The following ANAPC1 variants were observed in gnomAD, a reference collection of about 807,000 sequenced individuals.
ANAPC1 encodes the protein anaphase-promoting complex subunit 1.
Under a neutral mutation model 208.0 loss-of-function variants are expected in ANAPC1, and 36 were observed. The observed-to-expected ratio is 0.17, with a 90% CI of 0.13 to 0.23. The LOEUF (loss-of-function observed/expected upper bound fraction) is 0.23. Ranked by LOEUF, ANAPC1 falls within the 10% of genes least tolerant of loss-of-function variation. The pLI is 1.00. For synonymous variants in ANAPC1, 378 were observed against 695.2 expected, an observed-to-expected ratio of 0.54 and a Z score of 7.18; for missense variants, 942 against 2,011.6, an observed-to-expected ratio of 0.47 and a Z score of 10.17.
At chr2:111,775,673 T>C (rs1177574151) in intron 46 of ANAPC1, among the ~76,000 whole-genome samples, 3 of 152,104 alleles carry the variant, frequency 2.0e-5, no homozygotes, top group Non-Finnish European at 2.9e-5. Flanking sequence ...TTAGAGAATG[T>C]TCTAATCACT....
intron 13 of ANAPC1, among the ~76,000 whole-genome samples, chr2:111,853,252 A>T (rs1573466320): frequency 6.6e-6 from 1 of 152,216 alleles, no homozygotes; most frequent in Non-Finnish European, 1.5e-5. Context: ...CACTTCTTAT[A>T]ACCAACATAT....
At position 111,768,668 on chromosome 2, in the gene ANAPC1, T is replaced by C. The variant is rs1345605342; in HGVS notation, c.*623A>G. 3 of 148,326 alleles carry C rather than the reference T, an allele frequency of 2.0e-5. No individual in the cohort carries two copies. The highest frequency in any genetic ancestry group is 6.8e-5 in the Admixed American group (1 of 14,728). 9.2% of individuals were successfully genotyped at this position (148,326 alleles called of 1,614,324 possible). The stretch of plus-strand genomic sequence containing the variant: ...CACTTAACCTTAGTAATCTCCTATA[T>C]GCCCTATTGCCTAATACAGTCACAC... On this transcript the variant is annotated 3_prime_UTR_variant, in exon 48 of 48. Transcript: ENST00000341068.
At chr2:111,854,352 G>A (rs915669293) in intron 13 of ANAPC1, among the ~76,000 whole-genome samples, 4 of 152,110 alleles carry the variant, frequency 2.6e-5, no homozygotes, top group Admixed American at 6.5e-5. Context: ...CATTTATAGA[G>A]CCCAGGCAGA....
At position 111,829,334 on chromosome 2, in the gene ANAPC1, G is replaced by A. The variant is rs1481962965; in HGVS notation, c.2625+1952C>T. On this transcript the variant is annotated intron_variant, in intron 21 of 47. Transcript: ENST00000341068. Reference sequence around the variant, plus strand: ...TTCTGTATGTCTGTTTTGGAGCCATGGGGGGGACTGTGAAGCACTTCTCAC... The same window carrying A: ...TTCTGTATGTCTGTTTTGGAGCCATAGGGGGGACTGTGAAGCACTTCTCAC... Among the ~76,000 whole-genome samples the A allele has an allele frequency of 9.2e-5, 14 of 152,152 alleles. No individual in the cohort carries two copies. The East Asian group carries it at 2.5e-3, about 27-fold the overall frequency.
Position 111,868,160 on chromosome 2 carries a change from T to C in ANAPC1, c.612-64A>G, listed in dbSNP as rs564497928. On this transcript the variant is annotated intron_variant, in intron 6 of 47. Coordinates refer to ENST00000341068, the MANE Select transcript of ANAPC1 (RefSeq NM_022662.4). ...GTATGTCTGTGCACAAATTTTGCAC[T>C]TCTATTGAAAAGAAATCTCCAGATT... is the stretch of plus-strand genomic sequence containing the variant. 6.3e-5 allele frequency: 72 copies of C among 1,143,270 alleles called. 1 individual carries two copies. The Middle Eastern group carries it at 1.0e-3, about 17-fold the overall frequency. 70.8% of individuals were successfully genotyped at this position (1,143,270 alleles called of 1,614,324 possible). A position where few individuals can be genotyped will look rare whatever the true frequency, so the allele number is the denominator to read the frequency against.
chr2:111,855,070 C>G (rs1681626454), intron 13 of ANAPC1, among the ~76,000 whole-genome samples: 1 of 152,126 alleles, frequency 6.6e-6, no homozygotes, highest in African/African-American at 2.4e-5. Flanking sequence ...CATTTGAAAA[C>G]TTAGAGGCCA....
At chr2:111,770,623 C>T (rs1328611320) in intron 47 of ANAPC1, among the ~76,000 whole-genome samples, 1 of 147,350 alleles carries the variant, frequency 6.8e-6, no homozygotes, top group Admixed American at 6.8e-5. Flanking sequence ...TATTTCCTAA[C>T]CATTCTTCCC....
intron 14 of ANAPC1, among the ~76,000 whole-genome samples, chr2:111,850,148 T>A (rs1336604841): frequency 6.6e-6 from 1 of 152,028 alleles, no homozygotes; most frequent in Non-Finnish European, 1.5e-5. Context: ...CCAAACCCTA[T>A]CCTGCCTCAC....
At chr2:111,838,149 G>C (rs1680575290) in intron 18 of ANAPC1, among the ~76,000 whole-genome samples, 1 of 150,448 alleles carries the variant, frequency 6.6e-6, no homozygotes, top group African/African-American at 2.4e-5. Flanking sequence ...AAAAAACACT[G>C]CATAAAAAAG....
chr2:111,794,648 A>G (rs1678064126), intron 35 of ANAPC1, among the ~76,000 whole-genome samples, 170 bp downstream of exon 35: 3 of 152,166 alleles, frequency 2.0e-5, no homozygotes, highest in South Asian at 4.1e-4. Flanking sequence ...CAAGAGCTCT[A>G]TACTTCAGAG....
In ANAPC1 at chr2:111,831,826, C is replaced by CCAAAA. The variant is rs1553425748; in HGVS notation, c.2477-393_2477-392insTTTTG. On this transcript the variant is annotated intron_variant, in intron 20 of 47. Coordinates refer to ENST00000341068, the MANE Select transcript of ANAPC1 (RefSeq NM_022662.4). ...TAAGAGACAGAGCGAGACTCTGTCT[C>CCAAAA]AAAAAAAAAAAAAAAAAAAAGAATA... Among the ~76,000 whole-genome samples the CCAAAA allele has an allele frequency of 5.5e-4, 16 of 29,022 alleles. 2 individuals are homozygous for CCAAAA. The highest frequency in any genetic ancestry group is 2.2e-3 in the African/African-American group (10 of 4,592). The allele number at this position is 29,022 out of a possible 152,430, so 19.0% of individuals were successfully genotyped here.
At chr2:111,828,074 A>C (rs1481522297) in intron 21 of ANAPC1, among the ~76,000 whole-genome samples, 1 of 152,200 alleles carries the variant, frequency 6.6e-6, no homozygotes, top group Non-Finnish European at 1.5e-5. Flanking sequence ...GAGCATAAAA[A>C]TGCCTAAACT....
chr2:111,830,055 G>A (rs1486090082), intron 21 of ANAPC1, among the ~76,000 whole-genome samples: 3 of 152,034 alleles, frequency 2.0e-5, no homozygotes, highest in Non-Finnish European at 4.4e-5. Context: ...AGGCGACAGA[G>A]TGAGACTCTG....
intron 6 of ANAPC1, among the ~76,000 whole-genome samples, chr2:111,872,000 T>G (rs189838500): frequency 6.6e-6 from 1 of 152,358 alleles, no homozygotes; most frequent in East Asian, 1.9e-4. Flanking sequence ...ACTTGCCTGA[T>G]TGCTCTGGCC....
intron 2 of ANAPC1, among the ~76,000 whole-genome samples, chr2:111,880,077 A>G (rs1349871563): frequency 1.3e-5 from 2 of 152,000 alleles, no homozygotes; most frequent in African/African-American, 4.8e-5. Flanking sequence ...GACTCACATT[A>G]TAACACCACA....
intron 7 of ANAPC1, chr2:111,866,271 G>C (rs548682099): frequency 1.3e-5 from 5 of 387,078 alleles, no homozygotes; most frequent in South Asian, 1.1e-4. Flanking sequence ...CATTTGTGAA[G>C]CGAGTGTCTT....
intron 16 of ANAPC1, among the ~76,000 whole-genome samples, chr2:111,846,795 AC>A (rs374426945): frequency 6.6e-6 from 1 of 151,690 alleles, no homozygotes; most frequent in African/African-American, 2.4e-5. Context: ...GTCTCAAACT[AC>A]CGACCTCAAG....
At chr2:111,826,066 T>C (rs1679815252) in intron 21 of ANAPC1, among the ~76,000 whole-genome samples, 1 of 152,114 alleles carries the variant, frequency 6.6e-6, no homozygotes, top group South Asian at 2.1e-4. Flanking sequence ...ATTTTTATTT[T>C]TTGTAAAGAC....
At chr2:111,860,721 TTG>T (rs1682014033) in intron 10 of ANAPC1, among the ~76,000 whole-genome samples, 1 of 152,072 alleles carries the variant, frequency 6.6e-6, no homozygotes, top group Non-Finnish European at 1.5e-5. Flanking sequence ...TGTGCCAGCT[TTG>T]TCTCTTTCCA....
Sources: gnomAD v4.1 joint callset for allele counts (sites outside exome capture counted in the v4.1 genomes callset) on GRCh38, gnomAD v4.1.1 for gene constraint, MANE v1.5 for transcripts, NCBI Gene and HGNC (gene_info 2026-07-23, HGNC 2026-07-21) for gene names.